PCDHGB2: variants seen among roughly 807,000 people sequenced by gnomAD.
PCDHGB2 encodes the protein protocadherin gamma-B2.
PCDHGB2 carries 55 observed loss-of-function variants against 59.3 expected under a neutral mutation model. The observed-to-expected ratio is 0.93, with a 90% CI of 0.75 to 1.16. The LOEUF is 1.16. Among genes scored for constraint, PCDHGB2 ranks in the 50% most tolerant of loss-of-function variants. PCDHGB2 has a pLI of 0.00. For missense variants in PCDHGB2, 1,228 were observed against 1,198.5 expected (o/e 1.02, Z -0.36); for synonymous variants, 516 against 512.0 (o/e 1.01, Z -0.11).
In PCDHGB2 at chr5:141,493,511, T is replaced by G. The variant is rs1203329648; in HGVS notation, c.2422-1296T>G. Among the ~76,000 whole-genome samples the G allele has an allele frequency of 6.6e-6, 1 of 152,094 alleles. No individual in the cohort carries two copies. Reference sequence around the variant, plus strand: ...TCTGTGGCTCCTCATTTCTGAGCAGTCCCCGCAGCGCAAACTTGGCCAGTT... The same window carrying G: ...TCTGTGGCTCCTCATTTCTGAGCAGGCCCCGCAGCGCAAACTTGGCCAGTT... On this transcript the variant is annotated intron_variant, in intron 1 of 3. Coordinates refer to ENST00000522605, the MANE Select transcript of PCDHGB2 (RefSeq NM_018923.3). This position sits in a 1 kb window ranked among gnomAD's most constrained non-coding sequence, Gnocchi z 4.3.
At chr5:141,501,326 CACACACA>C (rs1562200783) in intron 2 of PCDHGB2, among the ~76,000 whole-genome samples, 10 of 151,784 alleles carry the variant, frequency 6.6e-5, no homozygotes, top group African/African-American at 1.9e-4. Flanking sequence ...CACACACACA[CACACACA>C]CCCCAAACTC....
In PCDHGB2 at chr5:141,486,757, C is replaced by A; in HGVS notation, c.2422-8050C>A. 5 of 1,614,228 alleles carry A rather than the reference C, an allele frequency of 3.1e-6. No homozygotes were observed. Among genetic ancestry groups the A allele is most frequent in the Non-Finnish European group, 4.2e-6 (5 of 1,180,036 alleles). ...CTCGATCCTTTGACTATGAGCAAAC[C>A]CAGACACTGCAGTTTGAGGTGCAGG... On this transcript the variant is annotated intron_variant, in intron 1 of 3. Coordinates refer to ENST00000522605, the MANE Select transcript of PCDHGB2 (RefSeq NM_018923.3). This position sits in a 1 kb window ranked among gnomAD's most constrained non-coding sequence, Gnocchi z 5.0.
chr5:141,361,722 G>A lies in PCDHGB2; in HGVS notation c.1587G>A (p.Glu529=). The change falls in exon 1 of 4, where the codon GAG becomes GAA. Residue 529 remains glutamate (E), a synonymous_variant. Transcript: ENST00000522605. ...AFDHEQLRAF[E]LTLQARDQGS... ...ATCATGAGCAGCTGCGCGCCTTCGA[G>A]CTCACACTGCAGGCCCGCGACCAGG... 2.5e-6 allele frequency: 4 copies of A among 1,613,314 alleles called. No individual in the cohort carries two copies. The highest frequency in any genetic ancestry group is 2.2e-5 in the East Asian group (1 of 44,880).
At chr5:141,446,390 G>A (rs2098500089) in intron 1 of PCDHGB2, among the ~76,000 whole-genome samples, 1 of 152,284 alleles carries the variant, frequency 6.6e-6, no homozygotes, top group African/African-American at 2.4e-5. Context: ...ATAGATTTAA[G>A]AGAAATCGAG....
intron 1 of PCDHGB2, among the ~76,000 whole-genome samples, chr5:141,492,084 G>C (rs979755390): frequency 2.0e-5 from 3 of 152,236 alleles, no homozygotes; most frequent in African/African-American, 7.2e-5. Flanking sequence ...GCTCCGGCAC[G>C]CTTCGCCGGT....
At chr5:141,453,287 A>ATTT (rs2098760771) in intron 1 of PCDHGB2, among the ~76,000 whole-genome samples, 3 of 151,368 alleles carry the variant, frequency 2.0e-5, no homozygotes, top group African/African-American at 7.3e-5. Flanking sequence ...CTAATTTTTT[A>ATTT]ATTATTTATT....
In PCDHGB2 at chr5:141,374,403, A is replaced by G. The variant is rs201390749; in HGVS notation, c.2421+11847A>G. 6.2e-4 allele frequency: 999 copies of G among 1,613,916 alleles called. 2 individuals are homozygous for G. Among genetic ancestry groups the G allele is most frequent in the Non-Finnish European group, 8.1e-4 (961 of 1,179,908 alleles). ...AGCCCGCGGTGTCTGGTGAGTTTTA[A>G]CATCCTTGTCGAGGATAAACTGAAT... On this transcript the variant is annotated intron_variant, in intron 1 of 3. Coordinates refer to ENST00000522605, the MANE Select transcript of PCDHGB2 (RefSeq NM_018923.3).
intron 1 of PCDHGB2, chr5:141,390,402 A>G: frequency 1.5e-6 from 2 of 1,321,630 alleles, no homozygotes; most frequent in Non-Finnish European, 2.1e-6. Flanking sequence ...CATTTTAGGA[A>G]AGTTGTAGTC....
In PCDHGB2 at chr5:141,432,897, C is replaced by A. The variant is rs780142081; in HGVS notation, c.2422-61910C>A. 1.2e-6 allele frequency: 2 copies of A among 1,614,178 alleles called. No individual in the cohort carries two copies. Among genetic ancestry groups the A allele is most frequent in the Non-Finnish European group, 1.7e-6 (2 of 1,180,010 alleles). On this transcript the variant is annotated intron_variant, in intron 1 of 3. Coordinates refer to ENST00000522605, the MANE Select transcript of PCDHGB2 (RefSeq NM_018923.3). The surrounding 1 kb of genome is among the most constrained non-coding windows in gnomAD (Gnocchi z 6.0). ...CTGGCCTTCGTCATCTTGCTGCTGGCGCTCAGGCTGCGGCGCTGGCACAAG... is the reference window on the plus strand; with the variant it reads ...CTGGCCTTCGTCATCTTGCTGCTGGAGCTCAGGCTGCGGCGCTGGCACAAG...
chr5:141,436,700 C>T (rs2097841356), intron 1 of PCDHGB2, among the ~76,000 whole-genome samples: 1 of 152,166 alleles, frequency 6.6e-6, no homozygotes, highest in Non-Finnish European at 1.5e-5. Flanking sequence ...AATGCCAGCA[C>T]ACTCGATGTT....
At chr5:141,466,180 A>T (rs566514149) in intron 1 of PCDHGB2, among the ~76,000 whole-genome samples, 100 of 151,254 alleles carry the variant, frequency 6.6e-4, no homozygotes, top group African/African-American at 2.1e-3. Context: ...TTTTATTTTT[A>T]TTTTTTTTCA....
chr5:141,383,324 T>C (rs750393068), intron 1 of PCDHGB2: 2 of 1,613,904 alleles, frequency 1.2e-6, no homozygotes, highest in African/African-American at 1.3e-5. Flanking sequence ...AATGTAAAAA[T>C]AATGGAGAAT....
Position 141,432,108 on chromosome 5 carries a change from C to T in PCDHGB2, c.2422-62699C>T, listed in dbSNP as rs1432933024. The T allele has an allele frequency of 1.9e-6, 3 of 1,614,180 alleles. No homozygotes were observed. The highest frequency in any genetic ancestry group is 1.7e-5 in the Admixed American group (1 of 60,020). Reference sequence around the variant, plus strand: ...GTGGCAGACACCAACGACAACCCGCCGGTCTTCCCTCAGGCCTCCTATTCC... The same window carrying T: ...GTGGCAGACACCAACGACAACCCGCTGGTCTTCCCTCAGGCCTCCTATTCC... On this transcript the variant is annotated intron_variant, in intron 1 of 3. Coordinates refer to ENST00000522605, the MANE Select transcript of PCDHGB2 (RefSeq NM_018923.3). The surrounding 1 kb of genome is among the most constrained non-coding windows in gnomAD (Gnocchi z 6.0).
At chr5:141,427,602 A>G (rs1415454468) in intron 1 of PCDHGB2, 1 of 685,668 alleles carries the variant, frequency 1.5e-6, no homozygotes, top group Non-Finnish European at 2.7e-6. Flanking sequence ...CACCCTACGC[A>G]TTGGTGAAGT....
chr5:141,370,488 C>G (rs758506114), intron 1 of PCDHGB2: 2 of 1,613,906 alleles, frequency 1.2e-6, no homozygotes, highest in South Asian at 2.2e-5. Context: ...TCTCTCCGAA[C>G]CGATCCGCTA....
At chr5:141,483,242 C>T (rs2099578681) in intron 1 of PCDHGB2, among the ~76,000 whole-genome samples, 1 of 151,558 alleles carries the variant, frequency 6.6e-6, no homozygotes, top group African/African-American at 2.4e-5. Flanking sequence ...AACTGATATG[C>T]ATATATCATG....
chr5:141,418,985 T>G, intron 1 of PCDHGB2: 1 of 1,613,882 alleles, frequency 6.2e-7, no homozygotes, highest in Non-Finnish European at 8.5e-7. Context: ...GGACCAAGAC[T>G]CAGGGGAAAA....
intron 1 of PCDHGB2, chr5:141,405,551 A>G: frequency 1.6e-6 from 1 of 623,672 alleles, no homozygotes; most frequent in Non-Finnish European, 2.8e-6. Context: ...TCCCAAGTAG[A>G]GTAGCTGGGA....
chr5:141,385,209 C>G (rs375927473), intron 1 of PCDHGB2: 95 of 1,614,118 alleles, frequency 5.9e-5, no homozygotes, highest in Non-Finnish European at 7.8e-5. Context: ...ACCTGATCTT[C>G]CCCCAGCCCA....
Sources: gnomAD v4.1 joint callset for allele counts (sites outside exome capture counted in the v4.1 genomes callset) on GRCh38, gnomAD v4.1.1 for gene constraint, Gnocchi (gnomAD v3.1) non-coding constraint, MANE v1.5 for transcripts, NCBI Gene and HGNC (gene_info 2026-07-23, HGNC 2026-07-21) for gene names.